The following PATJ variants were observed in gnomAD, a reference collection of about 807,000 sequenced individuals.
The protein encoded by PATJ is PATJ crumbs cell polarity complex component.
A neutral mutation model predicts 224.9 loss-of-function variants in PATJ; 190 were observed. That is an observed-to-expected ratio of 0.84 (90% CI 0.75 to 0.95). PATJ has a LOEUF of 0.95. Ranked by LOEUF, PATJ falls within the 40% of genes least tolerant of loss-of-function variation. PATJ has a pLI of 0.00. For missense variants in PATJ, 2,121 were observed against 2,270.3 expected, an observed-to-expected ratio of 0.93 and a Z score of 1.34; for synonymous variants, 769 against 820.3, an observed-to-expected ratio of 0.94 and a Z score of 1.07.
At chr1:62,014,846 TGTGAGCCTC>T (rs1451132171) in intron 28 of PATJ, among the ~76,000 whole-genome samples, 2 of 152,114 alleles carry the variant, frequency 1.3e-5, no homozygotes, top group African/African-American at 4.8e-5. Context: ...GGATTACAGC[TGTGAGCCTC>T]TGCACCTGGC....
At chr1:61,986,786 G>C (rs777975568) in intron 27 of PATJ, among the ~76,000 whole-genome samples, 1 of 151,958 alleles carries the variant, frequency 6.6e-6, no homozygotes, top group Non-Finnish European at 1.5e-5. Context: ...CTAAGAAGTA[G>C]GTTTTAATTT....
chr1:61,832,082 C>A (rs1659430109), intron 16 of PATJ, among the ~76,000 whole-genome samples: 1 of 152,124 alleles, frequency 6.6e-6, no homozygotes, highest in Non-Finnish European at 1.5e-5. Flanking sequence ...AAACAGAAAA[C>A]CAAATACCAC....
intron 31 of PATJ, among the ~76,000 whole-genome samples, chr1:62,068,937 A>C (rs1301691058): frequency 6.6e-6 from 1 of 152,186 alleles, no homozygotes; most frequent in African/African-American, 2.4e-5. Context: ...ACACATTAGA[A>C]TGTCCCCAAA....
chr1:61,880,223 C>G (rs972807548), intron 21 of PATJ, among the ~76,000 whole-genome samples: 2 of 152,194 alleles, frequency 1.3e-5, no homozygotes, highest in Non-Finnish European at 2.9e-5. Flanking sequence ...CTGTATCTCT[C>G]TCCACTAGAA....
intron 37 of PATJ, among the ~76,000 whole-genome samples, chr1:62,120,716 G>A (rs1664941760): frequency 6.6e-6 from 1 of 152,080 alleles, no homozygotes; most frequent in South Asian, 2.1e-4. Context: ...CACAATTGAG[G>A]GTTCTATTTT....
At chr1:61,786,399 C>T (rs1648536209) in intron 7 of PATJ, among the ~76,000 whole-genome samples, 1 of 152,074 alleles carries the variant, frequency 6.6e-6, no homozygotes, top group Admixed American at 6.6e-5. Flanking sequence ...TTTGTTTGAC[C>T]TCTCCCCAGC....
intron 41 of PATJ, among the ~76,000 whole-genome samples, chr1:62,135,495 G>A (rs547790231): frequency 7.4e-4 from 103 of 139,966 alleles, no homozygotes; most frequent in Non-Finnish European, 1.4e-3. Flanking sequence ...CATCCTGGGT[G>A]ACAGAGCGAG....
At chr1:61,869,983 G>A (rs770149018) in intron 20 of PATJ, among the ~76,000 whole-genome samples, 3 of 152,234 alleles carry the variant, frequency 2.0e-5, no homozygotes, top group African/African-American at 7.2e-5. Context: ...TGATCTTTTA[G>A]CTCTGCCATC....
At chr1:61,752,534 A>C (rs954724375) in intron 1 of PATJ, among the ~76,000 whole-genome samples, 1 of 151,960 alleles carries the variant, frequency 6.6e-6, no homozygotes, top group African/African-American at 2.4e-5. Flanking sequence ...GGCTGGTCTC[A>C]AACTCCTGCC....
chr1:61,942,329 G>A (rs1677942411), intron 27 of PATJ, among the ~76,000 whole-genome samples: 1 of 152,040 alleles, frequency 6.6e-6, no homozygotes, highest in South Asian at 2.1e-4. Context: ...CTCAATTTTT[G>A]AAAATGGGCC....
intron 29 of PATJ, among the ~76,000 whole-genome samples, chr1:62,028,964 A>AATACATACATTC (rs1553247610): frequency 6.8e-6 from 1 of 147,550 alleles, no homozygotes; most frequent in Non-Finnish European, 1.5e-5. Flanking sequence ...CCTGTCTCAA[A>AATACATACATTC]ATACATACAT....
chr1:61,891,461 C>T (rs1669598815), intron 22 of PATJ, among the ~76,000 whole-genome samples: 1 of 152,116 alleles, frequency 6.6e-6, no homozygotes, highest in South Asian at 2.1e-4. Context: ...GAGAGGGCTA[C>T]TCTGGAGTGT....
At chr1:61,901,664 T>C (rs951504608) in intron 24 of PATJ, among the ~76,000 whole-genome samples, 1 of 152,170 alleles carries the variant, frequency 6.6e-6, no homozygotes, top group African/African-American at 2.4e-5. Context: ...AATAAAATGA[T>C]AAAAACTTCA....
chr1:62,000,774 C>T (rs552377539), intron 28 of PATJ, among the ~76,000 whole-genome samples: 7 of 151,042 alleles, frequency 4.6e-5, no homozygotes, highest in African/African-American at 1.7e-4. Context: ...GATCGCCACA[C>T]TGACTTCCCC....
intron 37 of PATJ, among the ~76,000 whole-genome samples, chr1:62,120,179 A>T (rs1418489278): frequency 6.6e-6 from 1 of 152,200 alleles, no homozygotes; most frequent in Non-Finnish European, 1.5e-5. Context: ...TTAAAAAAAG[A>T]TGAGTGATGA....
chr1:62,033,836 A>G (rs1343112560), intron 29 of PATJ, among the ~76,000 whole-genome samples: 1 of 152,142 alleles, frequency 6.6e-6, no homozygotes, highest in Admixed American at 6.5e-5. Flanking sequence ...ACATCACAGT[A>G]CACCTACTCC....
chr1:61,813,366 T>G (rs867167421), intron 14 of PATJ, among the ~76,000 whole-genome samples: 2 of 55,872 alleles, frequency 3.6e-5, no homozygotes, highest in South Asian at 5.8e-4. Context: ...TATATATATA[T>G]ATATATATAT....
intron 6 of PATJ, among the ~76,000 whole-genome samples, chr1:61,774,119 C>CAAAAAA (rs35357345): frequency 1.5e-5 from 1 of 68,852 alleles, no homozygotes; most frequent in Non-Finnish European, 2.6e-5. Flanking sequence ...GACTCCATCT[C>CAAAAAA]AAAAAAAAAA....
At chr1:61,919,691 G>A (rs185580170) in intron 26 of PATJ, among the ~76,000 whole-genome samples, 120 of 151,880 alleles carry the variant, frequency 7.9e-4, no homozygotes, top group Non-Finnish European at 1.5e-3. Context: ...TTGTTTGTTT[G>A]TTTGTTTTTG....
Sources: gnomAD v4.1 joint callset for allele counts (sites outside exome capture counted in the v4.1 genomes callset) on GRCh38, gnomAD v4.1.1 for gene constraint, MANE v1.5 for transcripts, NCBI Gene and HGNC (gene_info 2026-07-23, HGNC 2026-07-21) for gene names.